The following HRH1 variants were observed in gnomAD, a reference collection of about 807,000 sequenced individuals.
HRH1 encodes the protein histamine H1 receptor.
A neutral mutation model predicts 10.3 loss-of-function variants in HRH1; 6 were observed. The ratio of observed to expected loss-of-function variants is 0.58; its 90% CI spans 0.32 to 1.15. The LOEUF (loss-of-function observed/expected upper bound fraction) is 1.15. HRH1 is among the 50% of genes most tolerant of loss of function. HRH1 has a pLI of 0.05. For synonymous variants in HRH1, 242 were observed against 236.7 expected, an observed-to-expected ratio of 1.02 and a Z score of -0.21; for missense variants, 514 against 615.3, an observed-to-expected ratio of 0.84 and a Z score of 1.74.
intron 1 of HRH1, among the ~76,000 whole-genome samples, chr3:11,174,475 AG>A (rs1424895758): frequency 6.6e-6 from 1 of 152,202 alleles, no homozygotes; most frequent in South Asian, 2.1e-4. Context: ...CTCTGAATGC[AG>A]GGACCCAGGG....
At chr3:11,234,625 T>C in intron 1 of HRH1, 1 of 1,414,118 alleles carries the variant, frequency 7.1e-7, no homozygotes, top group Non-Finnish European at 1.0e-6. Context: ...AGTTTCATGG[T>C]CTTCTTTGGT....
intron 1 of HRH1, among the ~76,000 whole-genome samples, chr3:11,182,620 T>C (rs1007139110): frequency 2.0e-5 from 3 of 152,140 alleles, no homozygotes. Context: ...TGCGTGCCTG[T>C]GGGCAGGTCA....
intron 1 of HRH1, among the ~76,000 whole-genome samples, chr3:11,181,722 C>T (rs565346313): frequency 2.5e-4 from 37 of 150,822 alleles, no homozygotes; most frequent in African/African-American, 8.3e-4. Flanking sequence ...AGCTCTGCCT[C>T]CCGGGTTTAC....
chr3:11,150,482 C>T (rs531403226), upstream of HRH1, among the ~76,000 whole-genome samples: 45 of 152,382 alleles, frequency 3.0e-4, no homozygotes, highest in South Asian at 7.7e-3. Context: ...GGAGCTGGAC[C>T]GGGCTCCCTG....
intron 1 of HRH1, among the ~76,000 whole-genome samples, chr3:11,251,047 C>T (rs1189676329): frequency 6.6e-6 from 1 of 152,196 alleles, no homozygotes; most frequent in African/African-American, 2.4e-5. Flanking sequence ...TACCCATCTT[C>T]CCTCGTGACT....
chr3:11,159,037 C>T (rs972195657), intron 1 of HRH1, among the ~76,000 whole-genome samples: 6 of 152,198 alleles, frequency 3.9e-5, no homozygotes, highest in Admixed American at 6.5e-5. Context: ...CACCTGAGGT[C>T]GGGAGTTTGA....
chr3:11,219,574 A>G (rs1365754070), intron 1 of HRH1, among the ~76,000 whole-genome samples: 1 of 151,962 alleles, frequency 6.6e-6, no homozygotes, highest in Non-Finnish European at 1.5e-5. Context: ...TTAGCTGGGA[A>G]TGGTGGTGTG....
At chr3:11,183,552 C>T (rs1012378136) in intron 1 of HRH1, among the ~76,000 whole-genome samples, 1 of 152,168 alleles carries the variant, frequency 6.6e-6, no homozygotes, top group African/African-American at 2.4e-5. Flanking sequence ...AAATCCTGCT[C>T]TAGGCAAACA....
At chr3:11,168,743 G>C (rs969494792) in intron 1 of HRH1, among the ~76,000 whole-genome samples, 1 of 152,208 alleles carries the variant, frequency 6.6e-6, no homozygotes, top group African/African-American at 2.4e-5. Flanking sequence ...CCCCAGGGCT[G>C]GGGGTGCGGG....
chr3:11,235,709 C>T (rs1461593491), intron 1 of HRH1, among the ~76,000 whole-genome samples: 1 of 152,214 alleles, frequency 6.6e-6, no homozygotes, highest in East Asian at 1.9e-4. Context: ...TTCATTACAG[C>T]TTGACAAGGG....
intron 1 of HRH1, among the ~76,000 whole-genome samples, chr3:11,222,606 T>G (rs931004401): frequency 2.0e-5 from 3 of 152,026 alleles, no homozygotes; most frequent in Non-Finnish European, 4.4e-5. Context: ...AGATAGCCAC[T>G]GAGAAGAAGA....
intron 1 of HRH1, among the ~76,000 whole-genome samples, chr3:11,241,690 G>T (rs985296872): frequency 6.6e-6 from 1 of 151,832 alleles, no homozygotes; most frequent in Non-Finnish European, 1.5e-5. Flanking sequence ...AAAAAAATTA[G>T]CTGGGTGTGG....
At chr3:11,168,831 A>G (rs1460719034) in intron 1 of HRH1, among the ~76,000 whole-genome samples, 1 of 152,036 alleles carries the variant, frequency 6.6e-6, no homozygotes, top group Non-Finnish European at 1.5e-5. Flanking sequence ...CCATCCAGGA[A>G]CCCGGGAGTG....
At chr3:11,142,574 ACCCTTAC>A (rs1287772423) in intron 1 of HRH1, among the ~76,000 whole-genome samples, 5 of 152,214 alleles carry the variant, frequency 3.3e-5, no homozygotes, top group African/African-American at 4.8e-5. Flanking sequence ...CAGGAGCACT[ACCCTTAC>A]CCAGGAAAGT....
chr3:11,220,202 G>T (rs1318541013), intron 1 of HRH1, among the ~76,000 whole-genome samples: 1 of 152,058 alleles, frequency 6.6e-6, no homozygotes, highest in Non-Finnish European at 1.5e-5. Flanking sequence ...CTAACACCAC[G>T]CCTGGCCTGG....
At chr3:11,238,177 C>A (rs1308224709) in intron 1 of HRH1, among the ~76,000 whole-genome samples, 1 of 152,090 alleles carries the variant, frequency 6.6e-6, no homozygotes, top group Non-Finnish European at 1.5e-5. Flanking sequence ...AACAATCAAA[C>A]AAGTTCAATC....
intron 1 of HRH1, among the ~76,000 whole-genome samples, chr3:11,197,384 T>A (rs1210482793): frequency 6.6e-6 from 1 of 152,210 alleles, no homozygotes; most frequent in East Asian, 1.9e-4. Context: ...ATAACTTCAG[T>A]GCCTGGTACA....
chr3:11,241,281 CACGT>C (rs5846698), intron 1 of HRH1, among the ~76,000 whole-genome samples: 53,751 of 151,644 alleles, frequency 0.35, 9,756 homozygotes, highest in Admixed American at 0.46. Context: ...ACAAACAAAC[CACGT>C]ACGTCTTCTA....
chr3:11,195,531 G>A (rs1937624885), intron 1 of HRH1, among the ~76,000 whole-genome samples: 1 of 152,210 alleles, frequency 6.6e-6, no homozygotes, highest in Admixed American at 6.5e-5. Flanking sequence ...CTGTGCTGAA[G>A]CTCGAGGGTC....
Sources: allele counts gnomAD v4.1 joint callset (sites outside exome capture counted in the v4.1 genomes callset), GRCh38; gene constraint gnomAD v4.1.1; transcripts MANE v1.5; gene names NCBI Gene and HGNC (gene_info 2026-07-23, HGNC 2026-07-21).